Variants in CNTN5 observed in about 807,000 individuals in gnomAD.
The protein encoded by CNTN5 is contactin-5.
A neutral mutation model predicts 129.1 loss-of-function variants in CNTN5; 77 were observed. The ratio of observed to expected loss-of-function variants is 0.60; its 90% CI spans 0.50 to 0.72. The LOEUF (loss-of-function observed/expected upper bound fraction) is 0.72. Among genes scored for constraint, CNTN5 ranks in the 30% least tolerant of loss-of-function variants. The probability of loss-of-function intolerance (pLI) is 0.00; values close to 1 mark genes in which losing one functional copy is unlikely to be tolerated. For synonymous variants in CNTN5, 509 were observed against 465.6 expected (o/e 1.09, Z -1.20); for missense variants, 1,478 against 1,328.8 (o/e 1.11, Z -1.75).
At chr11:99,213,400 A>G (rs1859933836) in intron 1 of CNTN5, among the ~76,000 whole-genome samples, 2 of 135,980 alleles carry the variant, frequency 1.5e-5, no homozygotes, top group Admixed American at 1.4e-4. Flanking sequence ...ACGTGTATAT[A>G]TACACATATA....
At chr11:99,952,186 A>G (rs1411415484) in intron 7 of CNTN5, among the ~76,000 whole-genome samples, 1 of 152,224 alleles carries the variant, frequency 6.6e-6, no homozygotes, top group Non-Finnish European at 1.5e-5. Context: ...TACAATTTCT[A>G]TCATAATGTC....
chr11:100,156,016 C>T (rs927829160), intron 13 of CNTN5, among the ~76,000 whole-genome samples: 16 of 151,952 alleles, frequency 1.1e-4, no homozygotes, highest in Non-Finnish European at 1.9e-4. Flanking sequence ...GCCTTACTGC[C>T]CTGGAGAGAG....
intron 2 of CNTN5, among the ~76,000 whole-genome samples, chr11:99,548,053 A>G (rs949078061): frequency 6.6e-6 from 1 of 152,316 alleles, no homozygotes; most frequent in Admixed American, 6.5e-5. Context: ...GGTAATAACA[A>G]TTATATGTGT....
chr11:100,188,805 A>G (rs1008256605), intron 13 of CNTN5, among the ~76,000 whole-genome samples: 2 of 152,208 alleles, frequency 1.3e-5, no homozygotes, highest in African/African-American at 4.8e-5. Context: ...ACTAGTCACA[A>G]TAATGAAGAC....
At chr11:99,021,356 C>G (rs1426226765) in intron 1 of CNTN5, 86 bp downstream of exon 1, 2 of 152,204 alleles carry the variant, frequency 1.3e-5, no homozygotes, top group Non-Finnish European at 1.5e-5. Context: ...TTGACACACT[C>G]TGTTCTGCAA....
At chr11:99,985,840 T>C (rs1445715267) in intron 8 of CNTN5, among the ~76,000 whole-genome samples, 1 of 152,338 alleles carries the variant, frequency 6.6e-6, no homozygotes, top group Non-Finnish European at 1.5e-5. Flanking sequence ...GTGATAACCA[T>C]ATATACATCA....
chr11:100,082,363 C>G (rs1354573025), intron 13 of CNTN5, among the ~76,000 whole-genome samples: 1 of 152,146 alleles, frequency 6.6e-6, no homozygotes, highest in African/African-American at 2.4e-5. Context: ...CTCACTGCAA[C>G]CTCGACCTTC....
chr11:99,670,432 T>C (rs761506752), intron 3 of CNTN5, among the ~76,000 whole-genome samples: 5 of 152,186 alleles, frequency 3.3e-5, no homozygotes, highest in African/African-American at 4.8e-5. Context: ...TGCAAAGTCC[T>C]CTTAACTGGT....
In CNTN5 at chr11:99,427,049, C is replaced by T. The variant is rs117954886; in HGVS notation, c.-71+101565C>T. On this transcript the variant is annotated intron_variant, in intron 2 of 24. Transcript: ENST00000524871. ...AAAATCTGTTTCTTAGGCCAGTTAC[C>T]GAAAGGCAGAAAAACAAAAACAAAA... 4.3e-3 allele frequency among the ~76,000 whole-genome samples: 661 copies of T among 152,180 alleles called. 3 individuals are homozygous for T. The highest frequency in any genetic ancestry group is 7.6e-3 in the Non-Finnish European group (517 of 68,016).
chr11:99,780,035 G>C (rs991064501), intron 3 of CNTN5, among the ~76,000 whole-genome samples: 1 of 151,968 alleles, frequency 6.6e-6, no homozygotes, highest in Admixed American at 6.6e-5. Context: ...TTGTTGTTCA[G>C]CATAGAAGGA....
intron 2 of CNTN5, among the ~76,000 whole-genome samples, chr11:99,435,666 A>C (rs1024498049): frequency 1.3e-5 from 2 of 152,232 alleles, no homozygotes; most frequent in African/African-American, 4.8e-5. Context: ...TATGCCAAAT[A>C]ACTTGTTTAT....
At chr11:99,236,547 G>C (rs1861279249) in intron 1 of CNTN5, among the ~76,000 whole-genome samples, 1 of 151,662 alleles carries the variant, frequency 6.6e-6, no homozygotes, top group Non-Finnish European at 1.5e-5. Context: ...TGCTTCAACT[G>C]TTTACTAAAT....
chr11:99,701,130 C>T (rs1954500240), intron 3 of CNTN5, among the ~76,000 whole-genome samples: 1 of 151,272 alleles, frequency 6.6e-6, no homozygotes, highest in East Asian at 1.9e-4. Context: ...TGCTGATTCA[C>T]TGAAGGGCAT....
chr11:99,464,287 G>A (rs184424009), intron 2 of CNTN5, among the ~76,000 whole-genome samples: 1 of 152,224 alleles, frequency 6.6e-6, no homozygotes, highest in East Asian at 1.9e-4. Flanking sequence ...TCCATCCAGG[G>A]GAATTGGGGA....
intron 3 of CNTN5, among the ~76,000 whole-genome samples, chr11:99,781,365 CAA>C (rs1022827141): frequency 6.6e-6 from 1 of 151,946 alleles, no homozygotes; most frequent in Non-Finnish European, 1.5e-5. Flanking sequence ...ATATGTGACT[CAA>C]TGCATTATTT....
intron 3 of CNTN5, among the ~76,000 whole-genome samples, chr11:99,796,098 T>C (rs1191025213): frequency 2.0e-5 from 3 of 152,080 alleles, no homozygotes; most frequent in African/African-American, 7.2e-5. Context: ...GCAGGGCCAC[T>C]GGCATCTGTG....
intron 3 of CNTN5, among the ~76,000 whole-genome samples, chr11:99,711,916 A>G (rs150596919): frequency 0.031 from 4,681 of 152,090 alleles, 152 homozygotes; most frequent in East Asian, 0.19. Context: ...AGTCTTTGCT[A>G]TTGTGAATCG....
At chr11:99,947,391 T>C (rs903727317) in intron 7 of CNTN5, among the ~76,000 whole-genome samples, 5 of 151,820 alleles carry the variant, frequency 3.3e-5, no homozygotes, top group African/African-American at 9.7e-5. Flanking sequence ...AAATTCTTGA[T>C]GTAGAAAATA....
At chr11:99,826,444 G>T (rs772045768) in intron 4 of CNTN5, among the ~76,000 whole-genome samples, 2 of 152,038 alleles carry the variant, frequency 1.3e-5, no homozygotes, top group African/African-American at 2.4e-5. Flanking sequence ...ACACACATAC[G>T]TACACACAAA....
Sources: allele counts gnomAD v4.1 joint callset (sites outside exome capture counted in the v4.1 genomes callset), GRCh38; gene constraint gnomAD v4.1.1; transcripts MANE v1.5; gene names NCBI Gene and HGNC (gene_info 2026-07-23, HGNC 2026-07-21).